The following IL13 variants were observed in gnomAD, a reference collection of about 807,000 sequenced individuals.
IL13 encodes interleukin 13, also known as interleukin-13.
IL13 carries 9 observed loss-of-function variants against 11.1 expected under a neutral mutation model. The ratio of observed to expected loss-of-function variants is 0.81; its 90% CI spans 0.49 to 1.42. The LOEUF is 1.42. IL13 is among the 40% of genes most tolerant of loss of function. IL13 has a pLI of 0.00. For synonymous variants in IL13, 75 were observed against 76.9 expected, an observed-to-expected ratio of 0.97 and a Z score of 0.13; for missense variants, 181 against 182.5, an observed-to-expected ratio of 0.99 and a Z score of 0.05.
intron 1 of IL13, 78 bp downstream of exon 1, chr5:132,658,438 T>C: frequency 1.2e-6 from 1 of 844,726 alleles, no homozygotes; most frequent in Non-Finnish European, 1.9e-6. Context: ...ATGAGCAGGC[T>C]GGGCCTGGTC....
Position 132,661,046 on chromosome 5 carries a change from G to T in IL13, c.*764G>T, listed in dbSNP as rs1015709255. 6.6e-6 allele frequency: 1 copy of T among 152,372 alleles called. No individual in the cohort carries two copies. Among genetic ancestry groups the T allele is most frequent in the Admixed American group, 6.5e-5 (1 of 15,274 alleles). 9.4% of individuals were successfully genotyped at this position (152,372 alleles called of 1,614,324 possible). A position where few individuals can be genotyped will look rare whatever the true frequency, so the allele number is the denominator to read the frequency against. ...AGGGTACCTTGAACACTGGGGGAGG[G>T]GACATTGAACAAGTTGTTTCATTGA... On this transcript the variant is annotated 3_prime_UTR_variant, in exon 4 of 4. Coordinates refer to ENST00000304506, the MANE Select transcript of IL13 (RefSeq NM_002188.3).
upstream of IL13, chr5:132,658,024 CTT>C (rs1285457062): frequency 5.5e-6 from 3 of 546,956 alleles, no homozygotes; most frequent in Non-Finnish European, 6.4e-6. Context: ...AAATCAAACT[CTT>C]TCCTTTATGC....
chr5:132,660,577 A>G lies in IL13; in HGVS notation c.*295A>G, dbSNP rs201185816. ...CCCCTGCCCTAGAGCACACTGTAGC[A>G]TTACAGTGGGTGCCCCCCTTGCCAG... On this transcript the variant is annotated 3_prime_UTR_variant, in exon 4 of 4. Coordinates refer to ENST00000304506, the MANE Select transcript of IL13 (RefSeq NM_002188.3). 6.3e-6 allele frequency: 2 copies of G among 316,088 alleles called. No homozygotes were observed. Among genetic ancestry groups the G allele is most frequent in the African/African-American group, 4.2e-5 (2 of 47,250 alleles). 19.6% of individuals were successfully genotyped at this position (316,088 alleles called of 1,614,324 possible).
upstream of IL13, among the ~76,000 whole-genome samples, chr5:132,657,794 A>G (rs1752067350): frequency 6.6e-6 from 1 of 152,240 alleles, no homozygotes; most frequent in Non-Finnish European, 1.5e-5. Flanking sequence ...CACTAAGACT[A>G]TCTGCTCAGC....
chr5:132,656,760 C>G (rs1187268752), upstream of IL13: 2 of 153,284 alleles, frequency 1.3e-5, no homozygotes, highest in African/African-American at 4.8e-5. Flanking sequence ...CACTGGGGGC[C>G]CTCGAGGGGA....
chr5:132,656,820 G>A (rs1752041930), upstream of IL13, among the ~76,000 whole-genome samples: 1 of 152,192 alleles, frequency 6.6e-6, no homozygotes, highest in Non-Finnish European at 1.5e-5. Context: ...GGGAAGCTTC[G>A]AGTGTGGACA....
Position 132,660,234 on chromosome 5 carries a change from C to G in IL13, c.393C>G (p.Asp131Glu). ...TKIEVAQFVKDLLLHLKKLFR... is the reference protein window; with the variant it reads ...TKIEVAQFVKELLLHLKKLFR... Reference sequence around the variant, plus strand: ...TCGAGGTGGCCCAGTTTGTAAAGGACCTGCTCTTACATTTAAAGAAACTTT... The same window carrying G: ...TCGAGGTGGCCCAGTTTGTAAAGGAGCTGCTCTTACATTTAAAGAAACTTT... The change falls in exon 4 of 4, where the codon GAC (aspartate) becomes GAG (glutamate). Residue 131 changes from aspartate to glutamate, a missense_variant. By Grantham distance (45) the Asp-to-Glu change is conservative (BLOSUM62 2). Coordinates refer to ENST00000304506, the MANE Select transcript of IL13 (RefSeq NM_002188.3). 7 of 1,614,190 alleles carry G rather than the reference C, an allele frequency of 4.3e-6. No homozygotes were observed. Among genetic ancestry groups the G allele is most frequent in the Non-Finnish European group, 5.9e-6 (7 of 1,180,026 alleles).
In IL13 at chr5:132,658,320, A is replaced by T; in HGVS notation, c.134A>T (p.Glu45Val). The stretch of plus-strand genomic sequence containing the variant: ...GTGCCTCCCTCTACAGCCCTCAGGG[A>T]GCTCATTGAGGAGCTGGTCAACATC... The part of the protein sequence containing the change: ...GPVPPSTALR[E>V]LIEELVNITQ... The change falls in exon 1 of 4, where the codon GAG (glutamate) becomes GTG (valine). Residue 45 changes from glutamate (E) to valine (V), a missense_variant. Transcript: ENST00000304506. The T allele has an allele frequency of 6.2e-7, 1 of 1,612,084 alleles. No individual in the cohort carries two copies.
Position 132,660,729 on chromosome 5 carries a change from G to A in IL13, c.*447G>A. 1 of 173,782 alleles carries A rather than the reference G, an allele frequency of 5.8e-6. No individual in the cohort carries two copies. Among genetic ancestry groups the A allele is most frequent in the Admixed American group, 5.4e-5 (1 of 18,352 alleles). The allele number at this position is 173,782 out of a possible 1,614,324, so 10.8% of individuals were successfully genotyped here. A position where few individuals can be genotyped will look rare whatever the true frequency, so the allele number is the denominator to read the frequency against. On this transcript the variant is annotated 3_prime_UTR_variant, in exon 4 of 4. Transcript: ENST00000304506. Reference sequence around the variant, plus strand: ...AAATGAGTGTGTTTGTCACCGTTGGGGATTGGGGAAGACTGTGGCTGCTAG... The same window carrying A: ...AAATGAGTGTGTTTGTCACCGTTGGAGATTGGGGAAGACTGTGGCTGCTAG...
upstream of IL13, chr5:132,657,015 G>GT (rs1311787281): frequency 8.5e-5 from 13 of 153,318 alleles, no homozygotes; most frequent in African/African-American, 3.1e-4. Context: ...GGAGGCGCTG[G>GT]TTCGGGGAGG....
rs559233831 is a variant in IL13, at chr5:132,659,879, C to A, written c.333+51C>A. On this transcript the variant is annotated intron_variant, in intron 3 of 3. Transcript: ENST00000304506. The surrounding 1 kb of genome is among the most constrained non-coding windows in gnomAD (Gnocchi z 4.1). ...CCCACCCTGCACCCCCTCCTGCCAA[C>A]CCTGGGCTCGCTGAAGGGAAGCTGG... is the stretch of plus-strand genomic sequence containing the variant. 7 of 1,596,244 alleles carry A rather than the reference C, an allele frequency of 4.4e-6. No individual in the cohort carries two copies. Among genetic ancestry groups the A allele is most frequent in the South Asian group, 1.1e-5 (1 of 88,966 alleles).
rs1182812263 is a variant in IL13 at position 132,659,812 on chromosome 5, A to C, written c.317A>C (p.His106Pro). The C allele has an allele frequency of 1.2e-6, 2 of 1,613,608 alleles. No individual in the cohort carries two copies. Among genetic ancestry groups the C allele is most frequent in the Non-Finnish European group, 1.7e-6 (2 of 1,179,962 alleles). ...AGGATGCTGAGCGGATTCTGCCCGC[A>C]CAAGGTCTCAGCTGGGGTAAGGCAT... ...TQRMLSGFCP[H>P]KVSAGQFSSL... The change falls in exon 3 of 4, where the codon CAC becomes CCC. Residue 106 changes from histidine (H) to proline (P), a missense_variant. Transcript: ENST00000304506. This position sits in a 1 kb window ranked among gnomAD's most constrained non-coding sequence, Gnocchi z 4.1.
Position 132,659,041 on chromosome 5 carries a change from C to T in IL13, c.175-377C>T, listed in dbSNP as rs1425824296. On this transcript the variant is annotated intron_variant, in intron 1 of 3. Coordinates refer to ENST00000304506, the MANE Select transcript of IL13 (RefSeq NM_002188.3). The surrounding 1 kb of genome is among the most constrained non-coding windows in gnomAD (Gnocchi z 4.1). ...CAGGGCATTTAATACACCAGATCCC[C>T]ACCGCCTCCCATCTGATTTGTCTTG... The T allele has an allele frequency of 3.8e-6, 1 of 265,358 alleles. No individual in the cohort carries two copies. Among genetic ancestry groups the T allele is most frequent in the Non-Finnish European group, 7.5e-6 (1 of 133,118 alleles). The allele number at this position is 265,358 out of a possible 1,614,324, so 16.4% of individuals were successfully genotyped here.
chr5:132,657,135 A>G, upstream of IL13: 2 of 155,858 alleles, frequency 1.3e-5, no homozygotes, highest in Non-Finnish European at 2.8e-5. Context: ...GAGCAGGAAA[A>G]GGCGACATGG....
rs561270872 is a variant in IL13 at position 132,659,969 on chromosome 5, C to T, written c.333+141C>T. 6.7e-5 allele frequency: 98 copies of T among 1,452,380 alleles called. No homozygotes were observed. Among genetic ancestry groups the T allele is most frequent in the South Asian group, 4.9e-4 (35 of 72,044 alleles). 90.0% of individuals were successfully genotyped at this position (1,452,380 alleles called of 1,614,324 possible). ...ATTGTGGCAGCAGGGACGTGGCCTTCGGGATTTACAGGATCTGGGCTCAAG... is the reference window on the plus strand; with the variant it reads ...ATTGTGGCAGCAGGGACGTGGCCTTTGGGATTTACAGGATCTGGGCTCAAG... On this transcript the variant is annotated intron_variant, in intron 3 of 3. Transcript: ENST00000304506. The surrounding 1 kb of genome is among the most constrained non-coding windows in gnomAD (Gnocchi z 4.1).
At chr5:132,657,936 C>A (rs1398100214), upstream of IL13, among the ~76,000 whole-genome samples, 3 of 152,218 alleles carry the variant, frequency 2.0e-5, no homozygotes, top group Non-Finnish European at 4.4e-5. Flanking sequence ...GCTCTCAGGG[C>A]CCCTTGCCTG....
rs866145689 is a variant in IL13 at position 132,658,302 on chromosome 5, C to T, written c.116C>T (p.Pro39Leu). Residue 39 changes from proline to leucine, a missense_variant, in exon 1 of 4, where the codon CCC becomes CTC. Transcript: ENST00000304506. Reference sequence around the variant, plus strand: ...TTTGCCTCCCCAGGCCCTGTGCCTCCCTCTACAGCCCTCAGGGAGCTCATT... The same window carrying T: ...TTTGCCTCCCCAGGCCCTGTGCCTCTCTCTACAGCCCTCAGGGAGCTCATT... ...GGFASPGPVP[P>L]STALRELIEE... 1 of 1,610,836 alleles carries T rather than the reference C, an allele frequency of 6.2e-7. No individual in the cohort carries two copies. Among genetic ancestry groups the T allele is most frequent in the South Asian group, 1.1e-5 (1 of 90,978 alleles).
Position 132,660,259 on chromosome 5 carries a change from T to C in IL13, c.418T>C (p.Phe140Leu). ...KDLLLHLKKL[F>L]REGQFN Reference sequence around the variant, plus strand: ...CCTGCTCTTACATTTAAAGAAACTTTTTCGCGAGGGACAGTTCAACTGAAA... The same window carrying C: ...CCTGCTCTTACATTTAAAGAAACTTCTTCGCGAGGGACAGTTCAACTGAAA... The change falls in exon 4 of 4, where the codon TTT becomes CTT. Residue 140 changes from phenylalanine to leucine, a missense_variant. Transcript: ENST00000304506. 2 of 1,614,126 alleles carry C rather than the reference T, an allele frequency of 1.2e-6. No homozygotes were observed. The highest frequency in any genetic ancestry group is 2.2e-5 in the South Asian group (2 of 91,074).
At position 132,659,580 on chromosome 5, in the gene IL13, C is replaced by T. The variant is rs1752108193; in HGVS notation, c.228+109C>T. 1 of 1,554,910 alleles carries T rather than the reference C, an allele frequency of 6.4e-7. No homozygotes were observed. The highest frequency in any genetic ancestry group is 2.3e-5 in the East Asian group (1 of 42,944). ...GGGTTCCAAGCAAGCTTCAAGTGCT[C>T]TCCTCCCTCCCGCCATAATCTGGCC... On this transcript the variant is annotated intron_variant, in intron 2 of 3. Transcript: ENST00000304506. This position sits in a 1 kb window ranked among gnomAD's most constrained non-coding sequence, Gnocchi z 4.1.
Sources: gnomAD v4.1 joint callset for allele counts (sites outside exome capture counted in the v4.1 genomes callset) on GRCh38, gnomAD v4.1.1 for gene constraint, Gnocchi (gnomAD v3.1) non-coding constraint, MANE v1.5 for transcripts, NCBI Gene and HGNC (gene_info 2026-07-23, HGNC 2026-07-21) for gene names.